GOLGB1: variants seen among roughly 807,000 people sequenced by gnomAD.
The protein encoded by GOLGB1 is golgin B1, also known as golgin subfamily B member 1.
Under a neutral mutation model 336.9 loss-of-function variants are expected in GOLGB1, and 174 were observed. The ratio of observed to expected loss-of-function variants is 0.52; its 90% CI spans 0.46 to 0.59. The LOEUF is 0.59. Among genes scored for constraint, GOLGB1 ranks in the 20% least tolerant of loss-of-function variants. GOLGB1 has a pLI of 0.00. For synonymous variants in GOLGB1, 1,208 were observed against 1,289.2 expected, an observed-to-expected ratio of 0.94 and a Z score of 1.35; for missense variants, 3,331 against 3,645.3, an observed-to-expected ratio of 0.91 and a Z score of 2.22.
Position 121,667,402 on chromosome 3 carries a change from T to C in GOLGB1, c.9554+74A>G. Reference sequence around the variant, plus strand: ...GAAAAAGATCTTAAGAAATCCTAAGTCTGGCAGGAAATGTACATGAGTTTG... The same window carrying C: ...GAAAAAGATCTTAAGAAATCCTAAGCCTGGCAGGAAATGTACATGAGTTTG... On this transcript the variant is annotated intron_variant, in intron 20 of 21. Coordinates refer to ENST00000614479, the MANE Select transcript of GOLGB1 (RefSeq NM_001366282.2). 6 of 1,450,702 alleles carry C rather than the reference T, an allele frequency of 4.1e-6. No individual in the cohort carries two copies. The African/African-American group carries it at 4.2e-5, about 10-fold the overall frequency. 89.9% of individuals were successfully genotyped at this position (1,450,702 alleles called of 1,614,324 possible).
intron 18 of GOLGB1, 39 bp downstream of exon 18, chr3:121,669,173 A>T: frequency 6.2e-7 from 1 of 1,607,540 alleles, no homozygotes; most frequent in Non-Finnish European, 8.5e-7. Flanking sequence ...ACTAAATTTC[A>T]TCACACTTCT....
chr3:121,679,214 A>C (rs1249881335), intron 15 of GOLGB1, among the ~76,000 whole-genome samples: 1 of 152,222 alleles, frequency 6.6e-6, no homozygotes, highest in Non-Finnish European at 1.5e-5. Flanking sequence ...CATGACACTC[A>C]AAGGAAATGC....
chr3:121,741,997 T>G (rs1206639894), intron 1 of GOLGB1, among the ~76,000 whole-genome samples: 1 of 152,144 alleles, frequency 6.6e-6, no homozygotes, highest in Non-Finnish European at 1.5e-5. Flanking sequence ...AAGGATAATT[T>G]GAATATGTAT....
At chr3:121,699,928 G>T in intron 11 of GOLGB1, 43 bp from the exon 12 acceptor site, 2 of 1,169,432 alleles carry the variant, frequency 1.7e-6, no homozygotes, top group Non-Finnish European at 2.5e-6. Context: ...TATATGTGGA[G>T]TGTGTGAAAA....
At chr3:121,688,415 T>C (rs1942004341) in intron 14 of GOLGB1, among the ~76,000 whole-genome samples, 2 of 152,278 alleles carry the variant, frequency 1.3e-5, no homozygotes, top group Non-Finnish European at 2.9e-5. Context: ...CTCCAGCTCC[T>C]AACCGCGAGT....
At chr3:121,744,484 T>C (rs543774221) in intron 1 of GOLGB1, among the ~76,000 whole-genome samples, 1 of 149,588 alleles carries the variant, frequency 6.7e-6, no homozygotes, top group Non-Finnish European at 1.5e-5. Flanking sequence ...CTGGGCATAC[T>C]GGCATATGCC....
At chr3:121,722,233 T>C (rs368775311) in intron 6 of GOLGB1, 29 bp downstream of exon 6, 50 of 1,258,262 alleles carry the variant, frequency 4.0e-5, no homozygotes, top group African/African-American at 5.9e-5. Flanking sequence ...ACTTCATAGC[T>C]CTTTATCCTA....
Position 121,690,909 on chromosome 3 carries a change from C to T in GOLGB1, c.8455G>A (p.Asp2819Asn), listed in dbSNP as rs1416324757. 1 of 1,614,112 alleles carries T rather than the reference C, an allele frequency of 6.2e-7. No individual in the cohort carries two copies. The highest frequency in any genetic ancestry group is 8.5e-7 in the Non-Finnish European group (1 of 1,179,966). The change falls in exon 14 of 22, where the codon GAT (aspartate) becomes AAT (asparagine). Residue 2819 changes from aspartate to asparagine, a missense_variant. Transcript: ENST00000614479. ...EKLNQQLLSK[D>N]EQLLHLSSQL... ...GAGGACAAGTGAAGCAATTGCTCAT[C>T]TTTGGATAGGAGCTGTTGGTTAAGT... is the stretch of plus-strand genomic sequence containing the variant.
intron 3 of GOLGB1, 130 bp downstream of exon 3, chr3:121,729,735 G>A (rs1468374248): frequency 5.9e-6 from 4 of 678,642 alleles, no homozygotes; most frequent in Middle Eastern, 6.4e-4. Context: ...TTTTCAGTAG[G>A]CATAAGGTTA....
chr3:121,696,264 A>G lies in GOLGB1; in HGVS notation c.4259T>C (p.Leu1420Pro), dbSNP rs200956055. ...AGTGAGAGCTGCTTCTTTCTCACTA[A>G]GTTGTCCAGAAAGGTAGCTAACGTC... ...EEDVSYLSGQ[L>P]SEKEAALTKI... is the part of the protein sequence containing the mutation. Residue 1420 changes from leucine (L) to proline (P), a missense_variant, in exon 13 of 22, where the codon CTT becomes CCT. Transcript: ENST00000614479. 154 of 1,613,930 alleles carry G rather than the reference A, an allele frequency of 9.5e-5. No individual in the cohort carries two copies. The highest frequency in any genetic ancestry group is 4.9e-4 in the Middle Eastern group (3 of 6,084).
At chr3:121,744,054 G>A (rs534016668) in intron 1 of GOLGB1, among the ~76,000 whole-genome samples, 4 of 152,120 alleles carry the variant, frequency 2.6e-5, no homozygotes, top group Middle Eastern at 3.4e-3. Context: ...AGAAAGGAGC[G>A]TGCCCATCAG....
At chr3:121,732,718 G>A (rs1227532010) in intron 1 of GOLGB1, among the ~76,000 whole-genome samples, 1 of 152,138 alleles carries the variant, frequency 6.6e-6, no homozygotes, top group Non-Finnish European at 1.5e-5. Context: ...AAACTAAGAA[G>A]TGAATTTCCT....
chr3:121,684,732 T>C (rs553013007), intron 14 of GOLGB1, among the ~76,000 whole-genome samples: 72 of 152,214 alleles, frequency 4.7e-4, no homozygotes, highest in Non-Finnish European at 9.3e-4. Context: ...TAAAAAGACA[T>C]TTTCAATAAA....
Position 121,681,780 on chromosome 3 carries a change from T to C in GOLGB1, c.8780A>G (p.Gln2927Arg), listed in dbSNP as rs749599485. The change falls in exon 15 of 22, where the codon CAG (glutamine) becomes CGG (arginine). Residue 2927 changes from glutamine to arginine, a missense_variant. Transcript: ENST00000614479. ...TGCTTTTGTCTTATCTTGATACTCC[T>C]GAAGTTGAGCCTTCAGTGGATGTAA... Reference protein sequence around the residue: ...TELHPLKAQLQEYQDKTKAFQ... With the variant: ...TELHPLKAQLREYQDKTKAFQ... 2 of 1,607,986 alleles carry C rather than the reference T, an allele frequency of 1.2e-6. No individual in the cohort carries two copies. The highest frequency in any genetic ancestry group is 1.7e-6 in the Non-Finnish European group (2 of 1,174,444).
Position 121,690,858 on chromosome 3 carries a change from C to T in GOLGB1, c.8506G>A (p.Val2836Met). The change falls in exon 14 of 22, where the codon GTG becomes ATG. Residue 2836 changes from valine to methionine, a missense_variant. Transcript: ENST00000614479. The part of the protein sequence containing the change: ...SSQLEDSYNQ[V>M]QSFSKAMASL... ...GCCATAGCCTTGGAAAAGGACTGCACTTGGTTATAAGAATCTTCTAGTTGT... is the reference window on the plus strand; with the variant it reads ...GCCATAGCCTTGGAAAAGGACTGCATTTGGTTATAAGAATCTTCTAGTTGT... 6.2e-7 allele frequency: 1 copy of T among 1,613,902 alleles called. No individual in the cohort carries two copies. Among genetic ancestry groups the T allele is most frequent in the Non-Finnish European group, 8.5e-7 (1 of 1,179,876 alleles).
chr3:121,676,161 T>C (rs185765148), intron 17 of GOLGB1, among the ~76,000 whole-genome samples: 1 of 152,370 alleles, frequency 6.6e-6, no homozygotes, highest in African/African-American at 2.4e-5. Context: ...ATTTAATAAG[T>C]ACCCTCTACA....
chr3:121,674,904 C>T (rs1357032669), intron 17 of GOLGB1, among the ~76,000 whole-genome samples: 7 of 144,332 alleles, frequency 4.8e-5, no homozygotes, highest in Admixed American at 7.1e-5. Context: ...GGCGCAATCT[C>T]GGCTCACTGC....
At chr3:121,687,627 GA>G (rs530386855) in intron 14 of GOLGB1, among the ~76,000 whole-genome samples, 228 of 152,232 alleles carry the variant, frequency 1.5e-3, no homozygotes, top group Middle Eastern at 3.4e-3. Flanking sequence ...ACAGAAACAC[GA>G]AAATAAAAAA....
intron 10 of GOLGB1, among the ~76,000 whole-genome samples, chr3:121,707,240 A>T (rs1943955182): frequency 6.6e-6 from 1 of 151,096 alleles, no homozygotes; most frequent in East Asian, 1.9e-4. Context: ...AAAAAAAAAA[A>T]AACAAAAATA....
Sources: gnomAD v4.1 joint callset for allele counts (sites outside exome capture counted in the v4.1 genomes callset) on GRCh38, gnomAD v4.1.1 for gene constraint, MANE v1.5 for transcripts, NCBI Gene and HGNC (gene_info 2026-07-23, HGNC 2026-07-21) for gene names.